The following TRIM5 variants were observed in gnomAD, a reference collection of about 807,000 sequenced individuals.
The protein encoded by TRIM5 is tripartite motif containing 5.
A neutral mutation model predicts 35.6 loss-of-function variants in TRIM5; 31 were observed. That is an observed-to-expected ratio of 0.87 (90% confidence interval 0.65 to 1.18). The LOEUF is 1.18. Ranked by LOEUF, TRIM5 falls within the 50% of genes most tolerant of loss-of-function variation. TRIM5 has a pLI of 0.00. For synonymous variants in TRIM5, 243 were observed against 215.6 expected (o/e 1.13, Z -1.11); for missense variants, 609 against 591.6 (o/e 1.03, Z -0.31).
At chr11:5,630,203 A>G in the TRIM5 span, among the ~76,000 whole-genome samples, 1 of 152,192 alleles carries the variant, frequency 6.6e-6, no homozygotes, top group Admixed American at 6.5e-5. Flanking sequence ...GTGCTTACCA[A>G]AAAGAATAAA....
the TRIM5 span, among the ~76,000 whole-genome samples, chr11:5,625,929 A>G: frequency 2.0e-5 from 3 of 152,248 alleles, no homozygotes; most frequent in African/African-American, 7.2e-5. Context: ...GCTCAGAAGG[A>G]GCCCACGGAT....
chr11:5,603,621 A>T, the TRIM5 span: 3 of 1,613,370 alleles, frequency 1.9e-6, no homozygotes, highest in African/African-American at 4.0e-5. Context: ...ATGGAGAAAA[A>T]CTGCAGCTCT....
chr11:5,647,973 C>T, the TRIM5 span, among the ~76,000 whole-genome samples: 536 of 152,216 alleles, frequency 3.5e-3, 8 homozygotes, highest in Non-Finnish European at 5.9e-3. Flanking sequence ...CCATAGAATG[C>T]GATTTATTCT....
At chr11:5,673,147 G>C (rs7116587) in intron 4 of TRIM5, among the ~76,000 whole-genome samples, 78,149 of 151,948 alleles carry the variant, frequency 0.51, 23,986 homozygotes, top group Non-Finnish European at 0.69. Context: ...GACAGACTGG[G>C]TAAAGAAGAA....
chr11:5,630,802 C>T, the TRIM5 span, among the ~76,000 whole-genome samples: 1 of 152,198 alleles, frequency 6.6e-6, no homozygotes, highest in South Asian at 2.1e-4. Context: ...ATATAATTAG[C>T]TTCTATCTTC....
chr11:5,607,466 G>A, the TRIM5 span, among the ~76,000 whole-genome samples: 1 of 152,134 alleles, frequency 6.6e-6, no homozygotes, highest in Non-Finnish European at 1.5e-5. Flanking sequence ...AGAGAAAATA[G>A]TTAATCCTGT....
Position 5,665,016 on chromosome 11 carries a change from G to T in TRIM5, c.1275C>A (p.Phe425Leu). Residue 425 changes from phenylalanine to leucine, a missense_variant, in exon 8 of 8, where the codon TTC becomes TTA. Coordinates refer to ENST00000380034, the MANE Select transcript of TRIM5 (RefSeq NM_033034.3). ...AAATAATCACAGAGAGGGGCACAAT[G>T]AAAGGAACAGAAGGAGTATGGAAGG... ...DSSFHTPSVP[F>L]IVPLSVIICP... 1 of 1,614,136 alleles carries T rather than the reference G, an allele frequency of 6.2e-7. No homozygotes were observed. Among genetic ancestry groups the T allele is most frequent in the South Asian group, 1.1e-5 (1 of 91,080 alleles).
chr11:5,670,303 G>A (rs997553949), intron 4 of TRIM5, among the ~76,000 whole-genome samples: 3 of 148,438 alleles, frequency 2.0e-5, no homozygotes, highest in Admixed American at 6.8e-5. Flanking sequence ...TCAGCCTCCC[G>A]AGTAGCTGGG....
chr11:5,680,409 C>T (rs567194236), intron 1 of TRIM5, among the ~76,000 whole-genome samples, 171 bp from the exon 2 acceptor site: 87 of 152,278 alleles, frequency 5.7e-4, no homozygotes, highest in Middle Eastern at 3.4e-3. Context: ...TTCATAATCA[C>T]CTTAAATACT....
chr11:5,611,605 C>T, the TRIM5 span: 4 of 381,050 alleles, frequency 1.0e-5, no homozygotes, highest in Admixed American at 1.3e-4. Context: ...AGGCACCCAC[C>T]ACCATGCCCA....
the TRIM5 span, among the ~76,000 whole-genome samples, chr11:5,653,829 GTCTT>G: frequency 7.2e-3 from 1,094 of 152,076 alleles, 9 homozygotes; most frequent in Middle Eastern, 0.031. Context: ...ATGTCCTGTA[GTCTT>G]TCTTTATTTT....
the TRIM5 span, chr11:5,610,175 A>C: frequency 6.2e-7 from 1 of 1,614,142 alleles, no homozygotes; most frequent in Non-Finnish European, 8.5e-7. Flanking sequence ...GGAAGCCAGA[A>C]GCTCTCCCTA....
At chr11:5,667,551 C>G in intron 5 of TRIM5, 138 bp downstream of exon 5, 1 of 946,124 alleles carries the variant, frequency 1.1e-6, no homozygotes. Flanking sequence ...GATTTATGAC[C>G]AGAAATTTAT....
the TRIM5 span, among the ~76,000 whole-genome samples, chr11:5,649,079 T>C: frequency 6.6e-6 from 1 of 152,182 alleles, no homozygotes; most frequent in African/African-American, 2.4e-5. Context: ...CATACACATA[T>C]CTGTACTTGA....
downstream of TRIM5, among the ~76,000 whole-genome samples, chr11:5,661,171 A>G (rs1850811402): frequency 4.6e-5 from 7 of 151,052 alleles, no homozygotes; most frequent in South Asian, 1.5e-3. Flanking sequence ...AGCTCAGAAC[A>G]TAATTGTTAC....
At chr11:5,656,538 G>C in the TRIM5 span, among the ~76,000 whole-genome samples, 3 of 152,028 alleles carry the variant, frequency 2.0e-5, no homozygotes, top group Admixed American at 2.0e-4. Flanking sequence ...ATTTTTAGTA[G>C]AGATGGAGTT....
chr11:5,651,463 T>G, the TRIM5 span, among the ~76,000 whole-genome samples: 3 of 152,172 alleles, frequency 2.0e-5, no homozygotes, highest in Non-Finnish European at 4.4e-5. Context: ...ATCTACTCAA[T>G]GTTTTGCTTC....
the TRIM5 span, chr11:5,634,492 T>TACACACACACACAC: frequency 7.0e-5 from 16 of 228,036 alleles, no homozygotes; most frequent in African/African-American, 4.0e-4. Context: ...ATAATATAAA[T>TACACACACACACAC]ACACACACAC....
At chr11:5,603,336 C>T in the TRIM5 span, 154 of 1,613,966 alleles carry the variant, frequency 9.5e-5, no homozygotes, top group Non-Finnish European at 1.2e-4. Flanking sequence ...TACTGGTGGA[C>T]ATACGAGAAG....
Sources: gnomAD v4.1 joint callset for allele counts (sites outside exome capture counted in the v4.1 genomes callset) on GRCh38, gnomAD v4.1.1 for gene constraint, MANE v1.5 for transcripts, NCBI Gene and HGNC (gene_info 2026-07-23, HGNC 2026-07-21) for gene names.